Variants in DPY19L1 observed in about 807,000 individuals in gnomAD.
The protein encoded by DPY19L1 is protein C-mannosyl-transferase DPY19L1.
Under a neutral mutation model 96.9 loss-of-function variants are expected in DPY19L1, and 35 were observed. That is an observed-to-expected ratio of 0.36 (90% CI 0.28 to 0.48). The LOEUF is 0.48. Ranked by LOEUF, DPY19L1 falls within the 20% of genes least tolerant of loss-of-function variation. The pLI, the probability that DPY19L1 is intolerant of heterozygous loss-of-function variation, is 0.99. For missense variants in DPY19L1, 521 were observed against 777.9 expected (o/e 0.67, Z 3.93); for synonymous variants, 205 against 252.6 (o/e 0.81, Z 1.79).
At chr7:34,982,921 A>G (rs1176733504) in intron 7 of DPY19L1, among the ~76,000 whole-genome samples, 1 of 152,202 alleles carries the variant, frequency 6.6e-6, no homozygotes, top group South Asian at 2.1e-4. Context: ...AAAATTAACT[A>G]AAAAGCTGAA....
chr7:34,957,035 A>T (rs1426130435), intron 11 of DPY19L1, among the ~76,000 whole-genome samples: 3 of 152,226 alleles, frequency 2.0e-5, no homozygotes, highest in Admixed American at 2.0e-4. Context: ...TTTTAATGGA[A>T]ATCCACCAAA....
At chr7:35,002,125 C>CAAAAAAAAAAAAAAAAAAAAAAAAAAAA (rs548044939) in intron 6 of DPY19L1, among the ~76,000 whole-genome samples, 1 of 47,098 alleles carries the variant, frequency 2.1e-5, no homozygotes. Context: ...GACTCCAGCT[C>CAAAAAAAAAAAAAAAAAAAAAAAAAAAA]AAAAAAAAAA....
intron 6 of DPY19L1, among the ~76,000 whole-genome samples, chr7:35,000,164 T>C (rs1785388525): frequency 6.6e-6 from 1 of 152,230 alleles, no homozygotes; most frequent in Admixed American, 6.5e-5. Flanking sequence ...TGGAGACCTC[T>C]TGATCTTTGC....
At chr7:35,027,047 T>C (rs1287138528) in intron 1 of DPY19L1, among the ~76,000 whole-genome samples, 1 of 151,766 alleles carries the variant, frequency 6.6e-6, no homozygotes, top group Admixed American at 6.6e-5. Context: ...ATACAAAAAA[T>C]TTAGCTGGGT....
At chr7:34,989,994 G>C (rs1162195424) in intron 6 of DPY19L1, 53 bp from the exon 7 acceptor site, 2 of 1,491,512 alleles carry the variant, frequency 1.3e-6, no homozygotes, top group Non-Finnish European at 1.8e-6. Context: ...TCAATCCTAA[G>C]AAAAACCTTA....
At chr7:34,949,412 T>C (rs185628137) in intron 14 of DPY19L1, among the ~76,000 whole-genome samples, 13 of 152,262 alleles carry the variant, frequency 8.5e-5, no homozygotes, top group African/African-American at 2.9e-4. Context: ...AAAATGCTGT[T>C]GGAATGAAAA....
intron 1 of DPY19L1, among the ~76,000 whole-genome samples, chr7:35,028,805 AG>A (rs1307276666): frequency 6.6e-6 from 1 of 152,170 alleles, no homozygotes; most frequent in African/African-American, 2.4e-5. Context: ...TTTCTGGAAA[AG>A]GGGGGGACAA....
At chr7:35,014,466 A>T (rs1785793465) in intron 3 of DPY19L1, among the ~76,000 whole-genome samples, 1 of 152,114 alleles carries the variant, frequency 6.6e-6, no homozygotes, top group African/African-American at 2.4e-5. Flanking sequence ...GGAAGACAGA[A>T]ACACAAGATA....
chr7:34,963,174 G>A (rs544428289), intron 10 of DPY19L1, among the ~76,000 whole-genome samples: 61 of 131,752 alleles, frequency 4.6e-4, no homozygotes, highest in African/African-American at 1.7e-3. Context: ...CAGCCTGGGC[G>A]ACAGAGCGAG....
upstream of DPY19L1, chr7:35,037,692 C>T: frequency 2.6e-6 from 1 of 387,810 alleles, no homozygotes; most frequent in Non-Finnish European, 3.5e-6. Context: ...GGACACCCTG[C>T]GAGCGGCCGC....
At chr7:34,970,868 A>G (rs1784712234) in intron 8 of DPY19L1, among the ~76,000 whole-genome samples, 3 of 151,974 alleles carry the variant, frequency 2.0e-5, no homozygotes, top group Admixed American at 2.0e-4. Context: ...AAAGCTAAGA[A>G]CAACCAAGAA....
At chr7:34,986,122 G>A (rs1785041708) in intron 7 of DPY19L1, among the ~76,000 whole-genome samples, 1 of 152,070 alleles carries the variant, frequency 6.6e-6, no homozygotes, top group Non-Finnish European at 1.5e-5. Context: ...CACAGAAACA[G>A]AGAACAGAAA....
intron 7 of DPY19L1, among the ~76,000 whole-genome samples, chr7:34,974,371 G>GT (rs1163996124): frequency 1.3e-5 from 2 of 152,054 alleles, no homozygotes; most frequent in African/African-American, 2.4e-5. Flanking sequence ...TGCAAGCACG[G>GT]GTACCTAAAA....
intron 21 of DPY19L1, among the ~76,000 whole-genome samples, chr7:34,934,254 C>T (rs555353478): frequency 2.8e-4 from 43 of 152,242 alleles, no homozygotes; most frequent in African/African-American, 8.4e-4. Flanking sequence ...TGACCCACCG[C>T]GCCCGGCCAC....
intron 6 of DPY19L1, among the ~76,000 whole-genome samples, chr7:35,007,533 T>C (rs2128677181): frequency 6.6e-6 from 1 of 152,272 alleles, no homozygotes; most frequent in East Asian, 1.9e-4. Context: ...CTACAGACTT[T>C]TTTACACCAA....
At chr7:34,945,067 A>C (rs1158314498) in intron 16 of DPY19L1, among the ~76,000 whole-genome samples, 2 of 152,196 alleles carry the variant, frequency 1.3e-5, no homozygotes, top group African/African-American at 4.8e-5. Context: ...AAACTGTTGA[A>C]CAAAAATGAT....
In DPY19L1 at chr7:35,018,680, T is replaced by C. The variant is rs1584259020; in HGVS notation, c.299-84A>G. The C allele has an allele frequency of 4.8e-6, 6 of 1,238,760 alleles. No homozygotes were observed. The East Asian group carries it at 1.2e-4, about 24-fold the overall frequency. The allele number at this position is 1,238,760 out of a possible 1,614,324, so 76.7% of individuals were successfully genotyped here. ...AAAGCCATTTCAAAGATAAAGCATG[T>C]CAAATATTGAAATGTGTAAAAAAGA... On this transcript the variant is annotated intron_variant, in intron 1 of 21. Transcript: ENST00000638088.
At chr7:34,933,237 C>T (rs1403025039) in intron 21 of DPY19L1, among the ~76,000 whole-genome samples, 3 of 152,142 alleles carry the variant, frequency 2.0e-5, no homozygotes, top group Non-Finnish European at 4.4e-5. Flanking sequence ...TTTGGTGCAC[C>T]CACCACCAGA....
At chr7:34,966,507 G>A (rs1392196536) in intron 10 of DPY19L1, among the ~76,000 whole-genome samples, 1 of 152,086 alleles carries the variant, frequency 6.6e-6, no homozygotes, top group Non-Finnish European at 1.5e-5. Context: ...GCCCAGGCTG[G>A]TTTCAAACTC....
Sources: gnomAD v4.1 joint callset for allele counts (sites outside exome capture counted in the v4.1 genomes callset) on GRCh38, gnomAD v4.1.1 for gene constraint, MANE v1.5 for transcripts, NCBI Gene and HGNC (gene_info 2026-07-23, HGNC 2026-07-21) for gene names.